PDZRN4: variants seen among roughly 807,000 people sequenced by gnomAD.
PDZRN4 encodes PDZ domain-containing RING finger protein 4.
PDZRN4 carries 70 observed loss-of-function variants against 99.0 expected under a neutral mutation model. That is an observed-to-expected ratio of 0.71 (90% CI 0.58 to 0.86). PDZRN4 has a LOEUF of 0.86. Ranked by LOEUF, PDZRN4 falls within the 40% of genes least tolerant of loss-of-function variation. PDZRN4 has a pLI of 0.00. For synonymous variants in PDZRN4, 551 were observed against 501.6 expected, an observed-to-expected ratio of 1.10 and a Z score of -1.32; for missense variants, 1,474 against 1,331.2, an observed-to-expected ratio of 1.11 and a Z score of -1.67.
chr12:41,533,179 T>TC (rs1305570938), intron 5 of PDZRN4, among the ~76,000 whole-genome samples: 4 of 128,430 alleles, frequency 3.1e-5, no homozygotes, highest in African/African-American at 1.3e-4. Context: ...CTTTTTCTTT[T>TC]CTTTTTTTTT....
At chr12:41,482,763 A>C (rs1289119243) in intron 3 of PDZRN4, among the ~76,000 whole-genome samples, 1 of 152,114 alleles carries the variant, frequency 6.6e-6, no homozygotes, top group Admixed American at 6.6e-5. Context: ...TTATAGAAGA[A>C]GAAAACCAAC....
chr12:41,277,473 G>A (rs1951356520), intron 3 of PDZRN4, among the ~76,000 whole-genome samples: 1 of 152,136 alleles, frequency 6.6e-6, no homozygotes, highest in African/African-American at 2.4e-5. Context: ...TGAGCGTTGT[G>A]AACTCAGTTT....
chr12:41,384,064 G>A (rs916493145), intron 3 of PDZRN4, among the ~76,000 whole-genome samples: 2 of 129,630 alleles, frequency 1.5e-5, no homozygotes, highest in Non-Finnish European at 3.1e-5. Context: ...GTGCAGTGGC[G>A]CGATCTCAGC....
chr12:41,409,791 T>C (rs1952380356), intron 3 of PDZRN4: 1 of 152,214 alleles, frequency 6.6e-6, no homozygotes. Context: ...TCAGATGTCA[T>C]GTTCTCTGAA....
intron 3 of PDZRN4, among the ~76,000 whole-genome samples, chr12:41,400,033 C>G (rs556544272): frequency 3.4e-4 from 51 of 152,108 alleles, no homozygotes; most frequent in Non-Finnish European, 5.1e-4. Flanking sequence ...CTCTTTTAAA[C>G]TTGGGCTATT....
chr12:41,372,936 A>G (rs1952052907), intron 3 of PDZRN4, among the ~76,000 whole-genome samples: 1 of 152,182 alleles, frequency 6.6e-6, no homozygotes, highest in Admixed American at 6.5e-5. Context: ...TTTGTCTTCT[A>G]TTTTCCCTAA....
chr12:41,567,323 G>A (rs1275909459), intron 8 of PDZRN4, among the ~76,000 whole-genome samples: 3 of 152,120 alleles, frequency 2.0e-5, no homozygotes, highest in African/African-American at 4.8e-5. Flanking sequence ...AAAGAAAAAA[G>A]CAGGATGAGG....
rs1368528536 is a variant in PDZRN4, at chr12:41,509,805, C to G, written c.1101-6C>G. 3 of 1,391,572 alleles carry G rather than the reference C, an allele frequency of 2.2e-6. No homozygotes were observed. The highest frequency in any genetic ancestry group is 3.0e-6 in the Non-Finnish European group (3 of 989,590). The allele number at this position is 1,391,572 out of a possible 1,614,324, so 86.2% of individuals were successfully genotyped here. A position where few individuals can be genotyped will look rare whatever the true frequency, so the allele number is the denominator to read the frequency against. On this transcript the variant is annotated splice_region_variant and splice_polypyrimidine_tract_variant and intron_variant, in intron 4 of 9. Coordinates refer to ENST00000402685, the MANE Select transcript of PDZRN4 (RefSeq NM_001164595.2). ...TATTCCTATCATATTGCTACATTCC[C>G]CATAGCTGCCATTCTCTACATCCAA...
chr12:41,230,390 A>G (rs911023363), intron 3 of PDZRN4, among the ~76,000 whole-genome samples: 9 of 152,086 alleles, frequency 5.9e-5, no homozygotes, highest in African/African-American at 2.2e-4. Flanking sequence ...ATGAATATTC[A>G]TTACTCTGAA....
At chr12:41,392,457 A>G (rs1170539414) in intron 3 of PDZRN4, among the ~76,000 whole-genome samples, 2 of 152,172 alleles carry the variant, frequency 1.3e-5, no homozygotes, top group Non-Finnish European at 2.9e-5. Context: ...TATTTCACTA[A>G]CTTGATGTCT....
At chr12:41,489,504 T>C (rs934087693) in intron 3 of PDZRN4, among the ~76,000 whole-genome samples, 4 of 152,126 alleles carry the variant, frequency 2.6e-5, no homozygotes, top group Non-Finnish European at 5.9e-5. Context: ...ATGAGGGTAA[T>C]GGAGCAGTAG....
At chr12:41,270,086 A>G (rs1050809965) in intron 3 of PDZRN4, among the ~76,000 whole-genome samples, 38 of 152,166 alleles carry the variant, frequency 2.5e-4, no homozygotes, top group Non-Finnish European at 4.3e-4. Flanking sequence ...ATTTGACTTT[A>G]ATTTCACGTT....
At chr12:41,367,268 G>T (rs1245226101) in intron 3 of PDZRN4, among the ~76,000 whole-genome samples, 1 of 152,092 alleles carries the variant, frequency 6.6e-6, no homozygotes, top group Non-Finnish European at 1.5e-5. Context: ...CCAGCACTTT[G>T]GGAGGCCGAG....
chr12:41,317,048 G>GTATACATACATACATATATATATA (rs374645706), intron 3 of PDZRN4, among the ~76,000 whole-genome samples: 6 of 69,588 alleles, frequency 8.6e-5, no homozygotes, highest in Admixed American at 6.0e-4. Flanking sequence ...CTTACATAAA[G>GTATACATACATACATATATATATA]TATATATATA....
intron 3 of PDZRN4, among the ~76,000 whole-genome samples, chr12:41,433,806 G>GT (rs1952605129): frequency 2.0e-5 from 3 of 152,166 alleles, no homozygotes; most frequent in African/African-American, 7.2e-5. Flanking sequence ...GTACTACATT[G>GT]GCAGCCAGGG....
intron 3 of PDZRN4, among the ~76,000 whole-genome samples, chr12:41,476,570 C>T (rs1010206964): frequency 2.6e-4 from 40 of 152,278 alleles, no homozygotes; most frequent in African/African-American, 9.6e-4. Context: ...GCCTCCCCTT[C>T]CCAATGCTCC....
intron 3 of PDZRN4, among the ~76,000 whole-genome samples, chr12:41,240,823 C>T (rs1308395144): frequency 1.3e-5 from 2 of 152,102 alleles, no homozygotes; most frequent in African/African-American, 2.4e-5. Flanking sequence ...GGGCAAAGCC[C>T]TTATTACCTA....
intron 3 of PDZRN4, among the ~76,000 whole-genome samples, chr12:41,250,723 C>T (rs1003512893): frequency 2.0e-5 from 3 of 152,158 alleles, no homozygotes; most frequent in African/African-American, 4.8e-5. Context: ...GTTGCACTTA[C>T]GTGTTGAGAG....
At chr12:41,360,806 T>C (rs1020350901) in intron 3 of PDZRN4, among the ~76,000 whole-genome samples, 2 of 152,056 alleles carry the variant, frequency 1.3e-5, no homozygotes, top group Non-Finnish European at 2.9e-5. Context: ...CCATCTGAAA[T>C]AGCTAATGTC....
Sources: allele counts gnomAD v4.1 joint callset (sites outside exome capture counted in the v4.1 genomes callset), GRCh38; gene constraint gnomAD v4.1.1; transcripts MANE v1.5; gene names NCBI Gene and HGNC (gene_info 2026-07-23, HGNC 2026-07-21).